Variants in PLCL2 observed in about 807,000 individuals in gnomAD.
The protein encoded by PLCL2 is inactive phospholipase C-like protein 2.
A neutral mutation model predicts 79.6 loss-of-function variants in PLCL2; 4 were observed. The ratio of observed to expected loss-of-function variants is 0.05; its 90% CI spans 0.02 to 0.11. The LOEUF (loss-of-function observed/expected upper bound fraction) is 0.11, where lower values mean the gene tolerates loss of function less well. Ranked by LOEUF, PLCL2 falls within the 10% of genes least tolerant of loss-of-function variation. The pLI, the probability that PLCL2 is intolerant of heterozygous loss-of-function variation, is 1.00. For missense variants in PLCL2, 895 were observed against 1,291.0 expected, an observed-to-expected ratio of 0.69 and a Z score of 4.70; for synonymous variants, 484 against 457.7, an observed-to-expected ratio of 1.06 and a Z score of -0.73.
At chr3:17,067,887 A>C in intron 4 of PLCL2, 69 bp from the exon 5 acceptor site, 3 of 826,338 alleles carry the variant, frequency 3.6e-6, no homozygotes, top group Non-Finnish European at 3.9e-6. Flanking sequence ...CTAGAAAAAG[A>C]AATATTTCCA....
At chr3:16,980,669 G>A (rs1431823232) in intron 1 of PLCL2, among the ~76,000 whole-genome samples, 1 of 152,078 alleles carries the variant, frequency 6.6e-6, no homozygotes, top group African/African-American at 2.4e-5. Flanking sequence ...GCCAGGCAGA[G>A]GGGATCCTCA....
chr3:16,927,640 T>G (rs1394001750), intron 1 of PLCL2, among the ~76,000 whole-genome samples: 1 of 152,198 alleles, frequency 6.6e-6, no homozygotes. Context: ...AATTATTTGT[T>G]GTGGGGGCTG....
At position 16,886,474 on chromosome 3, in the gene PLCL2, T is replaced by C. The variant is rs912632905; in HGVS notation, c.327+1108T>C. ...ATTGGACCTACAGAAATCTTCCAAG[T>C]ACTGTGAAAATGTCTGATGGTGTTA... On this transcript the variant is annotated intron_variant, in intron 1 of 5. Transcript: ENST00000615277. This position sits in a 1 kb window ranked among gnomAD's most constrained non-coding sequence, Gnocchi z 4.2. Among the ~76,000 whole-genome samples the C allele has an allele frequency of 6.6e-6, 1 of 152,352 alleles. No homozygotes were observed. The highest frequency in any genetic ancestry group is 1.9e-4 in the East Asian group (1 of 5,192).
intron 4 of PLCL2, among the ~76,000 whole-genome samples, chr3:17,049,316 C>T (rs2064814977): frequency 6.6e-6 from 1 of 152,086 alleles, no homozygotes. Flanking sequence ...AGGTAATAGG[C>T]GAAGCAGCTT....
intron 1 of PLCL2, among the ~76,000 whole-genome samples, chr3:16,885,890 C>CTCAG (rs1289647331): frequency 6.6e-6 from 1 of 152,196 alleles, no homozygotes; most frequent in East Asian, 1.9e-4. Context: ...TATCCGGTCA[C>CTCAG]TCAGTCACAA....
chr3:16,957,078 A>G (rs531457191), intron 1 of PLCL2, among the ~76,000 whole-genome samples: 85 of 152,066 alleles, frequency 5.6e-4, no homozygotes, highest in African/African-American at 1.7e-3. Flanking sequence ...TAGCTTTTGC[A>G]TGTGTTTGCT....
In PLCL2 at chr3:16,896,068, A is replaced by AT. The variant is rs981168423; in HGVS notation, c.327+10710dup. 3.2e-4 allele frequency among the ~76,000 whole-genome samples: 48 copies of AT among 152,092 alleles called. 1 individual carries two copies. The highest frequency in any genetic ancestry group is 2.8e-3 in the Admixed American group (42 of 15,272). On this transcript the variant is annotated intron_variant, in intron 1 of 5. Transcript: ENST00000615277. ...AAATCCATTAGGTTTTACACTTAGG[A>AT]TTTTTTTTCTGGAAGTCTATCATAC...
At chr3:17,086,043 A>G (rs192206213) in intron 5 of PLCL2, among the ~76,000 whole-genome samples, 1 of 152,238 alleles carries the variant, frequency 6.6e-6, no homozygotes, top group Non-Finnish European at 1.5e-5. Flanking sequence ...ATAAAAATAG[A>G]TAAATAAATA....
At chr3:16,985,871 T>C (rs1195434622) in intron 1 of PLCL2, among the ~76,000 whole-genome samples, 3 of 152,186 alleles carry the variant, frequency 2.0e-5, no homozygotes, top group African/African-American at 7.2e-5. Context: ...GTCATCAACA[T>C]TGAGGGAAAT....
intron 1 of PLCL2, among the ~76,000 whole-genome samples, chr3:16,939,918 C>T (rs551400932): frequency 1.8e-4 from 27 of 152,156 alleles, no homozygotes; most frequent in African/African-American, 6.5e-4. Context: ...GAGGGAAGAC[C>T]CAGGCACATG....
At chr3:17,085,643 GT>G (rs2065211121) in intron 5 of PLCL2, among the ~76,000 whole-genome samples, 1 of 151,510 alleles carries the variant, frequency 6.6e-6, no homozygotes, top group Non-Finnish European at 1.5e-5. Flanking sequence ...TAGAGACGGG[GT>G]TTCACCATGT....
chr3:16,908,949 A>G (rs1696811990), intron 1 of PLCL2, among the ~76,000 whole-genome samples: 1 of 152,186 alleles, frequency 6.6e-6, no homozygotes, highest in South Asian at 2.1e-4. Context: ...TGACATCTTA[A>G]GTTAACTAGA....
At position 16,987,847 on chromosome 3, in the gene PLCL2, G is replaced by A. The variant is rs539392644; in HGVS notation, c.328-21827G>A. Among the ~76,000 whole-genome samples, 2 of 152,218 alleles carry A rather than the reference G, an allele frequency of 1.3e-5. 1 individual carries two copies. Among genetic ancestry groups the A allele is most frequent in the African/African-American group, 4.8e-5 (2 of 41,512 alleles). On this transcript the variant is annotated intron_variant, in intron 1 of 5. Coordinates refer to ENST00000615277, the MANE Select transcript of PLCL2 (RefSeq NM_001144382.2). ...CTATTTGTCTTTTACTAAATGTAAA[G>A]GACAGCACAAACAACTTTCAATAGA...
intron 1 of PLCL2, among the ~76,000 whole-genome samples, chr3:16,993,471 A>G (rs2064124089): frequency 6.6e-6 from 1 of 152,174 alleles, no homozygotes; most frequent in African/African-American, 2.4e-5. Flanking sequence ...GTGAGTCAGT[A>G]TAGAGTTGCG....
At position 17,014,856 on chromosome 3, in the gene PLCL2, A is replaced by T. The variant is rs1177650173; in HGVS notation, c.2963A>T (p.Glu988Val). Residue 988 changes from glutamate (E) to valine (V), a missense_variant, in exon 3 of 6, where the codon GAG becomes GTG. This residue lies in a region of PLCL2 where 298 missense variants were observed against 459.6 expected (regional missense o/e 0.65). Transcript: ENST00000615277. Reference protein sequence around the residue: ...LNLSEQYPTMELQGIVPEVLK... With the variant: ...LNLSEQYPTMVLQGIVPEVLK... Reference sequence around the variant, plus strand: ...CTCAGCGAGCAGTACCCCACAATGGAGCTGCAGGGAATTGTGCCGGAGGTT... The same window carrying T: ...CTCAGCGAGCAGTACCCCACAATGGTGCTGCAGGGAATTGTGCCGGAGGTT... The T allele has an allele frequency of 1.9e-6, 3 of 1,614,094 alleles. No individual in the cohort carries two copies. In the South Asian group the frequency reaches 3.3e-5, roughly 18 times the overall value.
chr3:17,018,436 G>A (rs1038516149), intron 3 of PLCL2, among the ~76,000 whole-genome samples: 5 of 152,072 alleles, frequency 3.3e-5, no homozygotes, highest in African/African-American at 1.2e-4. Flanking sequence ...CATGATTTTG[G>A]GGCTCAACCT....
chr3:17,016,455 C>T (rs896947740), intron 3 of PLCL2, among the ~76,000 whole-genome samples: 4 of 152,176 alleles, frequency 2.6e-5, no homozygotes, highest in African/African-American at 9.7e-5. Context: ...GTGGCACCCT[C>T]CTGCAGAGAG....
chr3:16,890,986 G>T (rs1245226136), intron 1 of PLCL2, among the ~76,000 whole-genome samples: 1 of 152,218 alleles, frequency 6.6e-6, no homozygotes, highest in Non-Finnish European at 1.5e-5. Context: ...TGGCAAACCA[G>T]GGCAGGTTGT....
At chr3:16,903,057 G>A (rs559794252) in intron 1 of PLCL2, among the ~76,000 whole-genome samples, 9 of 152,204 alleles carry the variant, frequency 5.9e-5, no homozygotes, top group African/African-American at 1.9e-4. Flanking sequence ...TTTTTCGTAG[G>A]AAAGGTCTTA....
Sources: gnomAD v4.1 joint callset for allele counts (sites outside exome capture counted in the v4.1 genomes callset) on GRCh38, gnomAD v4.1.1 for gene constraint, gnomAD v4.1.1 regional missense constraint, Gnocchi (gnomAD v3.1) non-coding constraint, MANE v1.5 for transcripts, NCBI Gene and HGNC (gene_info 2026-07-23, HGNC 2026-07-21) for gene names.